PLXNA3: variants seen among roughly 807,000 people sequenced by gnomAD.
PLXNA3 encodes plexin-A3.
A neutral mutation model predicts 118.8 loss-of-function variants in PLXNA3; 52 were observed. That is an observed-to-expected ratio of 0.44 (90% confidence interval 0.35 to 0.55). The LOEUF is 0.55. Ranked by LOEUF, PLXNA3 falls within the 20% of genes least tolerant of loss-of-function variation. The pLI, the probability that PLXNA3 is intolerant of heterozygous loss-of-function variation, is 0.01. For missense variants in PLXNA3, 1,660 were observed against 1,730.8 expected (o/e 0.96, Z 0.73); for synonymous variants, 925 against 762.4 (o/e 1.21, Z -3.51).
Position 154,461,131 on chromosome X carries a change from C to A in PLXNA3, c.627C>A (p.Ile209=), listed in dbSNP as rs782767005. 18 of 1,204,739 alleles carry A rather than the reference C, an allele frequency of 1.5e-5. No individual in the cohort carries two copies. The highest frequency in any genetic ancestry group is 1.9e-5 in the Non-Finnish European group (17 of 890,552). ...VYQDEFVSSQ[I]KIPSDTLSLY... is the part of the protein sequence containing the mutation. ...AGGATGAGTTTGTGTCCTCCCAGAT[C>A]AAGATCCCCTCAGACACGCTGTCCT... The change falls in exon 3 of 33, where the codon ATC becomes ATA. Residue 209 remains isoleucine (I), a synonymous_variant. Coordinates refer to ENST00000369682, the MANE Select transcript of PLXNA3 (RefSeq NM_017514.5).
rs1603396169 is a variant in PLXNA3 at position 154,476,215 on chromosome X, G to A, written c.*3530G>A. ...CTCATGCCTGTAATCCCAGCACTTT[G>A]GGAGGCTGAGGTGGGTGGACCACCT... On this transcript the variant is annotated 3_prime_UTR_variant, in exon 33 of 33. Coordinates refer to ENST00000369682, the MANE Select transcript of PLXNA3 (RefSeq NM_017514.5). The A allele has an allele frequency of 1.8e-5, 2 of 111,357 alleles. No individual in the cohort carries two copies. The highest frequency in any genetic ancestry group is 6.5e-5 in the African/African-American group (2 of 30,589). The allele number at this position is 111,357 out of a possible 1,213,427, so 9.2% of individuals were successfully genotyped here. A position where few individuals can be genotyped will look rare whatever the true frequency, so the allele number is the denominator to read the frequency against.
In PLXNA3 at chrX:154,460,231, G is replaced by A. The variant is rs781859171; in HGVS notation, c.48G>A (p.Gly16=). The A allele has an allele frequency of 1.7e-6, 2 of 1,209,684 alleles. No homozygotes were observed. The highest frequency in any genetic ancestry group is 1.8e-5 in the South Asian group (1 of 56,984). ...TGCTGCTCTTCCTTGCCGTGGGGGGGGCCCTGGGCAACAGGCCCTTCCGTG... is the reference window on the plus strand; with the variant it reads ...TGCTGCTCTTCCTTGCCGTGGGGGGAGCCCTGGGCAACAGGCCCTTCCGTG... ...LLLLLFLAVG[G]ALGNRPFRAF... The change falls in exon 2 of 33, where the codon GGG becomes GGA. Residue 16 remains glycine (G), a synonymous_variant. Coordinates refer to ENST00000369682, the MANE Select transcript of PLXNA3 (RefSeq NM_017514.5).
In PLXNA3 at chrX:154,473,735, C is replaced by T. The variant is rs2069215834; in HGVS notation, c.*1050C>T. On this transcript the variant is annotated 3_prime_UTR_variant, in exon 33 of 33. Transcript: ENST00000369682. ...TTGTGGGAGAAAGGACCACTCCTTG[C>T]AGGGTCCCAGAGGGTTTGGGGAGGT... 1 of 112,184 alleles carries T rather than the reference C, an allele frequency of 8.9e-6. No individual in the cohort carries two copies. Among genetic ancestry groups the T allele is most frequent in the South Asian group, 3.7e-4 (1 of 2,725 alleles). The allele number at this position is 112,184 out of a possible 1,213,427, so 9.2% of individuals were successfully genotyped here. A position where few individuals can be genotyped will look rare whatever the true frequency, so the allele number is the denominator to read the frequency against.
chrX:154,460,349 C>G lies in PLXNA3; in HGVS notation c.166C>G (p.Leu56Val), dbSNP rs1237660233. Residue 56 changes from leucine (L) to valine (V), a missense_variant, in exon 2 of 33, where the codon CTG becomes GTG. This residue lies in a region of PLXNA3 where 791 missense variants were observed against 652.1 expected (regional missense o/e 1.21). Coordinates refer to ENST00000369682, the MANE Select transcript of PLXNA3 (RefSeq NM_017514.5). ...GGGCGCAGTGAACCGAGTCTTTAAGCTGGCCCCCAACCTGACTGAGCTGCG... is the reference window on the plus strand; with the variant it reads ...GGGCGCAGTGAACCGAGTCTTTAAGGTGGCCCCCAACCTGACTGAGCTGCG... The part of the protein sequence containing the change: ...FVGAVNRVFK[L>V]APNLTELRAH... 6.6e-6 allele frequency: 8 copies of G among 1,209,407 alleles called. No homozygotes were observed. The highest frequency in any genetic ancestry group is 2.2e-5 in the Admixed American group (1 of 45,925).
rs932197626 is a variant in PLXNA3 at position 154,474,879 on chromosome X, C to T, written c.*2194C>T. On this transcript the variant is annotated 3_prime_UTR_variant, in exon 33 of 33. Transcript: ENST00000369682. ...ATCAACTCACTGCAGCCTTGATGTC[C>T]TGGGCTCAAGTGATCTTCCTGCCTC... 6 of 93,070 alleles carry T rather than the reference C, an allele frequency of 6.4e-5. No individual in the cohort carries two copies. The highest frequency in any genetic ancestry group is 2.4e-4 in the African/African-American group (6 of 25,052). The allele number at this position is 93,070 out of a possible 1,213,427, so 7.7% of individuals were successfully genotyped here.
Position 154,461,576 on chromosome X carries a change from C to T in PLXNA3, c.1072C>T (p.Arg358Cys), listed in dbSNP as rs782758307. The T allele has an allele frequency of 8.3e-6, 10 of 1,206,861 alleles. No individual in the cohort carries two copies. Among genetic ancestry groups the T allele is most frequent in the South Asian group, 3.5e-5 (2 of 56,925 alleles). The change falls in exon 3 of 33, where the codon CGT (arginine) becomes TGT (cysteine). Residue 358 changes from arginine to cysteine, a missense_variant. Transcript: ENST00000369682. ...CCGGCGCCGCATCCAGTCCTGCTATCGTGGGGAGGGCACTCTGGCTCTGCC... is the reference window on the plus strand; with the variant it reads ...CCGGCGCCGCATCCAGTCCTGCTATTGTGGGGAGGGCACTCTGGCTCTGCC... ...HIRRRIQSCY[R>C]GEGTLALPWL...
At chrX:154,461,721 T>C in intron 3 of PLXNA3, 83 bp downstream of exon 3, 2 of 966,703 alleles carry the variant, frequency 2.1e-6, no homozygotes, top group South Asian at 2.3e-5. Context: ...CCAGTCATCC[T>C]GTCCCAGGCT....
chrX:154,462,413 G>T, intron 4 of PLXNA3, 103 bp downstream of exon 4: 1 of 628,206 alleles, frequency 1.6e-6, no homozygotes, highest in Non-Finnish European at 2.2e-6. Context: ...GACAGGAGAG[G>T]ACACGGCTGG....
At chrX:154,462,027 C>G in intron 3 of PLXNA3, 101 bp from the exon 4 acceptor site, 1 of 706,255 alleles carries the variant, frequency 1.4e-6, no homozygotes. Flanking sequence ...TGGAGGGGAC[C>G]GGGTTCTAGA....
chrX:154,469,905 C>A, intron 28 of PLXNA3, 72 bp from the exon 29 acceptor site: 1 of 1,144,861 alleles, frequency 8.7e-7, no homozygotes, highest in Non-Finnish European at 1.2e-6. Flanking sequence ...TCCCCACATG[C>A]TGCTGAGCTC....
intron 1 of PLXNA3, among the ~76,000 whole-genome samples, chrX:154,459,749 C>T (rs1378219808): frequency 8.9e-6 from 1 of 112,830 alleles, no homozygotes; most frequent in African/African-American, 3.2e-5. Flanking sequence ...GTGTTCCTGG[C>T]CCTGCCCCTC....
chrX:154,467,494 G>GGGGGGGGGGGT, intron 19 of PLXNA3, 23 bp downstream of exon 19: 1 of 954,689 alleles, frequency 1.0e-6, no homozygotes, highest in Non-Finnish European at 1.5e-6. Context: ...TGGGGGCGGG[G>GGGGGGGGGGGT]AGGGGCGGGA....
Position 154,465,518 on chromosome X carries a change from G to A in PLXNA3, c.2339G>A (p.Arg780Gln), listed in dbSNP as rs1047257591. 1.7e-6 allele frequency: 2 copies of A among 1,200,182 alleles called. No homozygotes were observed. The highest frequency in any genetic ancestry group is 2.3e-4 in the Middle Eastern group (1 of 4,324). ...DFPIDKPPSFRALLYKCWAQR... is the reference protein window; with the variant it reads ...DFPIDKPPSFQALLYKCWAQR... ...CCCATAGACAAGCCTCCCAGCTTCCGAGGTGAAGGCATGGGCCAGGGAGCT... is the reference window on the plus strand; with the variant it reads ...CCCATAGACAAGCCTCCCAGCTTCCAAGGTGAAGGCATGGGCCAGGGAGCT... Residue 780 changes from arginine (R) to glutamine (Q), a missense_variant and splice_region_variant, in exon 12 of 33, where the codon CGA becomes CAA. This residue lies in a region of PLXNA3 where 869 missense variants were observed against 1,078.7 expected (regional missense o/e 0.81). Transcript: ENST00000369682.
intron 9 of PLXNA3, 43 bp downstream of exon 9, chrX:154,464,544 G>A: frequency 9.3e-7 from 1 of 1,074,555 alleles, no homozygotes; most frequent in Non-Finnish European, 1.3e-6. Context: ...TGGGGATAGA[G>A]GGGACCTCTG....
rs1279220840 is a variant in PLXNA3 at position 154,477,368 on chromosome X, A to G, written c.*4683A>G. On this transcript the variant is annotated 3_prime_UTR_variant, in exon 33 of 33. Transcript: ENST00000369682. ...TGATAGAATCTATAAAAGAGCCCTA[A>G]GGCTGGAGACACTGTATTTTCCAGG... The G allele has an allele frequency of 1.8e-5, 2 of 112,802 alleles. No homozygotes were observed. The highest frequency in any genetic ancestry group is 6.5e-5 in the African/African-American group (2 of 30,957). The allele number at this position is 112,802 out of a possible 1,213,427, so 9.3% of individuals were successfully genotyped here.
chrX:154,463,019 C>G (rs888799284), intron 4 of PLXNA3, among the ~76,000 whole-genome samples: 6 of 111,344 alleles, frequency 5.4e-5, no homozygotes, highest in African/African-American at 2.0e-4. Context: ...TCCTTTGTAG[C>G]AGCTTTGTTG....
At position 154,468,959 on chromosome X, in the gene PLXNA3, A is replaced by G. The variant is rs1557208435; in HGVS notation, c.4424A>G (p.Tyr1475Cys). 2 of 1,210,505 alleles carry G rather than the reference A, an allele frequency of 1.7e-6. No individual in the cohort carries two copies. Among genetic ancestry groups the G allele is most frequent in the East Asian group, 3.0e-5 (1 of 33,785 alleles). The change falls in exon 25 of 33, where the codon TAC becomes TGC. Residue 1475 changes from tyrosine (Y) to cysteine (C), a missense_variant. Physicochemically the swap from Tyr to Cys is radical, Grantham distance 194 (BLOSUM62 -2). Coordinates refer to ENST00000369682, the MANE Select transcript of PLXNA3 (RefSeq NM_017514.5). ...EDKLIRQQID[Y>C]KTLTLHCVCP... Reference sequence around the variant, plus strand: ...AAGCTCATCCGTCAGCAGATCGACTACAAGACACTGGTGAGCGCAGGGCCA... The same window carrying G: ...AAGCTCATCCGTCAGCAGATCGACTGCAAGACACTGGTGAGCGCAGGGCCA...
Position 154,470,557 on chromosome X carries a change from C to T in PLXNA3, c.5102C>T (p.Ala1701Val), listed in dbSNP as rs1557209125. 8 of 1,211,312 alleles carry T rather than the reference C, an allele frequency of 6.6e-6. No homozygotes were observed. Among genetic ancestry groups the T allele is most frequent in the Admixed American group, 2.2e-5 (1 of 46,138 alleles). ...KYMFDFLDEQ[A>V]DQRQISDPDV... Reference sequence around the variant, plus strand: ...ATGTTCGACTTCCTGGATGAGCAGGCGGACCAGCGCCAGATCAGCGACCCC... The same window carrying T: ...ATGTTCGACTTCCTGGATGAGCAGGTGGACCAGCGCCAGATCAGCGACCCC... The change falls in exon 30 of 33, where the codon GCG (alanine) becomes GTG (valine). Residue 1701 changes from alanine to valine, a missense_variant. Around this residue, in one of 2 missense-constraint regions of PLXNA3, gnomAD observed 869 missense variants for 1,078.7 expected, o/e 0.81. Transcript: ENST00000369682.
chrX:154,460,143 C>G lies in PLXNA3; in HGVS notation c.-27-14C>G. On this transcript the variant is annotated splice_polypyrimidine_tract_variant and intron_variant, in intron 1 of 32. Coordinates refer to ENST00000369682, the MANE Select transcript of PLXNA3 (RefSeq NM_017514.5). ...GCTCGAGGCCTCTGACTCCCACACA[C>G]CGTCTCTCCCTAGGCCTGTCCCCAG... 2 of 967,404 alleles carry G rather than the reference C, an allele frequency of 2.1e-6. No individual in the cohort carries two copies. The highest frequency in any genetic ancestry group is 2.9e-6 in the Non-Finnish European group (2 of 688,441). The allele number at this position is 967,404 out of a possible 1,213,427, so 79.7% of individuals were successfully genotyped here. A position where few individuals can be genotyped will look rare whatever the true frequency, so the allele number is the denominator to read the frequency against.
Sources: gnomAD v4.1 joint callset for allele counts (sites outside exome capture counted in the v4.1 genomes callset) on GRCh38, gnomAD v4.1.1 for gene constraint, gnomAD v4.1.1 regional missense constraint, MANE v1.5 for transcripts, NCBI Gene and HGNC (gene_info 2026-07-23, HGNC 2026-07-21) for gene names.